The following ZNF385D variants were observed in gnomAD, a reference collection of about 807,000 sequenced individuals.
The protein encoded by ZNF385D is zinc finger protein 659.
A neutral mutation model predicts 35.8 loss-of-function variants in ZNF385D; 15 were observed. That is an observed-to-expected ratio of 0.42 (90% CI 0.28 to 0.64). The LOEUF (loss-of-function observed/expected upper bound fraction) is 0.64, where lower values mean the gene tolerates loss of function less well. Ranked by LOEUF, ZNF385D falls within the 30% of genes least tolerant of loss-of-function variation. ZNF385D has a pLI of 0.23. For missense variants in ZNF385D, 474 were observed against 494.6 expected (o/e 0.96, Z 0.39); for synonymous variants, 212 against 186.8 (o/e 1.13, Z -1.10).
chr3:21,905,002 T>C (rs1474806571), intron 3 of ZNF385D, among the ~76,000 whole-genome samples: 2 of 151,978 alleles, frequency 1.3e-5, no homozygotes, highest in Admixed American at 6.6e-5. Context: ...CTACGATTCA[T>C]CTCATTAATA....
At chr3:21,942,522 A>G (rs1340595080) in intron 3 of ZNF385D, 2 of 152,196 alleles carry the variant, frequency 1.3e-5, no homozygotes, top group African/African-American at 2.4e-5. Flanking sequence ...ACAGCCACAT[A>G]ATTTGCTCCT....
intron 3 of ZNF385D, among the ~76,000 whole-genome samples, chr3:21,955,243 T>C (rs1702231128): frequency 6.6e-6 from 1 of 152,160 alleles, no homozygotes; most frequent in African/African-American, 2.4e-5. Context: ...TTGCTGGCTC[T>C]GTTCTTAAAA....
intron 3 of ZNF385D, among the ~76,000 whole-genome samples, chr3:21,850,739 T>C (rs1696332324): frequency 6.6e-6 from 1 of 152,044 alleles, no homozygotes; most frequent in Non-Finnish European, 1.5e-5. Context: ...CTTGGGATAC[T>C]TCGTTAAGAT....
intron 3 of ZNF385D, among the ~76,000 whole-genome samples, chr3:21,989,103 T>A (rs1197374328): frequency 6.6e-6 from 1 of 152,068 alleles, no homozygotes; most frequent in Non-Finnish European, 1.5e-5. Context: ...AATGCAGAAA[T>A]CACCCGTCTT....
chr3:21,825,515 GT>G (rs1694549161), intron 3 of ZNF385D, among the ~76,000 whole-genome samples: 1 of 138,434 alleles, frequency 7.2e-6, no homozygotes, highest in Non-Finnish European at 1.6e-5. Context: ...TGGTTCCGGG[GT>G]TCTTTCAGTG....
chr3:21,804,175 A>G (rs2072532027), intron 3 of ZNF385D, among the ~76,000 whole-genome samples: 1 of 152,244 alleles, frequency 6.6e-6, no homozygotes. Context: ...GGGCACAAGT[A>G]TGATGAAATG....
intron 2 of ZNF385D, among the ~76,000 whole-genome samples, chr3:22,216,566 G>T (rs551900139): frequency 1.3e-5 from 2 of 152,088 alleles, no homozygotes; most frequent in Non-Finnish European, 2.9e-5. Flanking sequence ...CAAGGAAAAC[G>T]TGGAGAAGAA....
chr3:22,045,410 A>C lies in ZNF385D; in HGVS notation c.325+123407T>G, dbSNP rs368981434. On this transcript the variant is annotated intron_variant, in intron 3 of 5. Transcript: ENST00000494108. ...GAAATACGAATGGGAGATGATATCC[A>C]GAACTGAAGAAGAGAGGCTGGTCTT... 6.3e-4 allele frequency among the ~76,000 whole-genome samples: 96 copies of C among 152,280 alleles called. 1 individual carries two copies. The highest frequency in any genetic ancestry group is 2.0e-3 in the African/African-American group (84 of 41,564).
rs370805257 is a variant in ZNF385D, at chr3:21,856,333, T to G, written c.326-191305A>C. Among the ~76,000 whole-genome samples the G allele has an allele frequency of 5.3e-5, 8 of 152,072 alleles. No individual in the cohort carries two copies. The East Asian group carries it at 1.4e-3, about 26-fold the overall frequency. ...CTTTTCTGCTTGCATTCACTCTCTC[T>G]GTAATGTCATCCAGTCAATCCCTTG... On this transcript the variant is annotated intron_variant, in intron 3 of 5. Coordinates refer to the ZNF385D transcript ENST00000494108.
chr3:21,751,958 T>C (rs963640014), upstream of ZNF385D, among the ~76,000 whole-genome samples: 1 of 150,542 alleles, frequency 6.6e-6, no homozygotes, highest in Admixed American at 6.6e-5. Context: ...CATTGTGCCA[T>C]AGTTAGAGTC....
chr3:21,547,457 C>T (rs558100045), intron 3 of ZNF385D, among the ~76,000 whole-genome samples: 22 of 151,618 alleles, frequency 1.5e-4, no homozygotes, highest in African/African-American at 4.9e-4. Context: ...AGTCATTCAA[C>T]CAGAGCGTCT....
At chr3:21,966,347 A>G (rs372676332) in intron 3 of ZNF385D, among the ~76,000 whole-genome samples, 291 of 152,332 alleles carry the variant, frequency 1.9e-3, no homozygotes, top group African/African-American at 6.7e-3. Context: ...TTTTAAAGCT[A>G]AGGAACTAAC....
chr3:21,595,857 C>T (rs12490952), intron 2 of ZNF385D, among the ~76,000 whole-genome samples: 68,847 of 151,984 alleles, frequency 0.45, 16,416 homozygotes, highest in East Asian at 0.57. Flanking sequence ...AAGATAGTCA[C>T]GAAGGTCTAG....
chr3:22,325,675 G>A (rs977897580), intron 2 of ZNF385D, among the ~76,000 whole-genome samples: 4 of 151,998 alleles, frequency 2.6e-5, no homozygotes, highest in Non-Finnish European at 5.9e-5. Context: ...AGGAGAATTG[G>A]TTGAACCCAG....
chr3:21,797,048 C>G (rs189539248), intron 3 of ZNF385D, among the ~76,000 whole-genome samples: 2 of 152,200 alleles, frequency 1.3e-5, no homozygotes, highest in South Asian at 2.1e-4. Flanking sequence ...TGAAAGACAT[C>G]GTCAAGAGAA....
At chr3:22,245,315 G>A (rs560567557) in intron 2 of ZNF385D, among the ~76,000 whole-genome samples, 1 of 152,072 alleles carries the variant, frequency 6.6e-6, no homozygotes, top group African/African-American at 2.4e-5. Context: ...CCTACCATAT[G>A]ACAGAAGTGT....
At chr3:21,693,903 C>T (rs779107985) in intron 1 of ZNF385D, among the ~76,000 whole-genome samples, 11 of 135,582 alleles carry the variant, frequency 8.1e-5, no homozygotes, top group South Asian at 4.7e-4. Context: ...TTTTTTGAGA[C>T]GGAGTCTCAC....
At chr3:22,145,132 G>A (rs2125710141) in intron 3 of ZNF385D, among the ~76,000 whole-genome samples, 1 of 151,998 alleles carries the variant, frequency 6.6e-6, no homozygotes, top group East Asian at 1.9e-4. Context: ...TATATAAAAG[G>A]TGAGCTATTA....
intron 3 of ZNF385D, among the ~76,000 whole-genome samples, chr3:21,538,369 T>C (rs559179380): frequency 6.6e-6 from 1 of 152,226 alleles, no homozygotes; most frequent in African/African-American, 2.4e-5. Flanking sequence ...TGAAGCAGAA[T>C]TGGAAACCCT....
Sources: gnomAD v4.1 joint callset for allele counts (sites outside exome capture counted in the v4.1 genomes callset) on GRCh38, gnomAD v4.1.1 for gene constraint, MANE v1.5 for transcripts, NCBI Gene and HGNC (gene_info 2026-07-23, HGNC 2026-07-21) for gene names.